Variants in ACSL3 observed in about 807,000 individuals in gnomAD.
ACSL3 encodes the protein acyl-CoA synthetase long chain family member 3, also known as fatty acid CoA ligase Acsl3.
ACSL3 carries 34 observed loss-of-function variants against 84.7 expected under a neutral mutation model. The ratio of observed to expected loss-of-function variants is 0.40; its 90% CI spans 0.31 to 0.53. ACSL3 has a LOEUF of 0.53. Among genes scored for constraint, ACSL3 ranks in the 20% least tolerant of loss-of-function variants. The probability of loss-of-function intolerance (pLI) is 0.48; values close to 1 mark genes in which losing one functional copy is unlikely to be tolerated. For synonymous variants in ACSL3, 315 were observed against 299.4 expected, an observed-to-expected ratio of 1.05 and a Z score of -0.54; for missense variants, 680 against 873.1, an observed-to-expected ratio of 0.78 and a Z score of 2.79.
At chr2:222,915,178 G>A (rs1235445569) in intron 4 of ACSL3, among the ~76,000 whole-genome samples, 1 of 152,134 alleles carries the variant, frequency 6.6e-6, no homozygotes, top group Non-Finnish European at 1.5e-5. Flanking sequence ...AACCCTCACA[G>A]AGCTCCTTTT....
In ACSL3 at chr2:222,923,083, A is replaced by G. The variant is rs1259542785; in HGVS notation, c.1086A>G (p.Ser362=). 2 of 1,613,476 alleles carry G rather than the reference A, an allele frequency of 1.2e-6. No homozygotes were observed. Among genetic ancestry groups the G allele is most frequent in the Non-Finnish European group, 8.5e-7 (1 of 1,179,496 alleles). ...SSPQTLADQS[S]KIKKGSKGDT... is the part of the protein sequence containing the mutation. The stretch of plus-strand genomic sequence containing the variant: ...CACTTTTTCTTATTTTGTAGTCTTC[A>G]AAAATTAAAAAAGGAAGCAAAGGGG... The change falls in exon 10 of 17, where the codon TCA becomes TCG. Residue 362 remains serine (S), a synonymous_variant. Coordinates refer to ENST00000357430, the MANE Select transcript of ACSL3 (RefSeq NM_004457.5).
chr2:222,933,373 C>G, intron 15 of ACSL3, 93 bp downstream of exon 15: 2 of 853,654 alleles, frequency 2.3e-6, no homozygotes, highest in South Asian at 3.7e-5. Context: ...AAAAATGTTC[C>G]GAGAACTCTT....
At chr2:222,863,016 G>C (rs1006697171) in intron 1 of ACSL3, among the ~76,000 whole-genome samples, 1 of 152,164 alleles carries the variant, frequency 6.6e-6, no homozygotes, top group Non-Finnish European at 1.5e-5. Flanking sequence ...GTGTTTCCCT[G>C]CTGTTTGGTT....
intron 11 of ACSL3, among the ~76,000 whole-genome samples, chr2:222,926,301 A>C (rs1451529823): frequency 6.6e-6 from 1 of 152,232 alleles, no homozygotes; most frequent in Non-Finnish European, 1.5e-5. Context: ...TTTGGTATCC[A>C]GAGGACTGGA....
intron 7 of ACSL3, among the ~76,000 whole-genome samples, chr2:222,920,742 G>A (rs956739822): frequency 3.1e-4 from 47 of 152,106 alleles, no homozygotes; most frequent in African/African-American, 1.0e-3. Context: ...AGTTCTTCCC[G>A]TGGCCTTTGA....
intron 2 of ACSL3, among the ~76,000 whole-genome samples, chr2:222,889,613 C>T (rs563086465): frequency 1.6e-4 from 25 of 152,234 alleles, no homozygotes; most frequent in African/African-American, 3.9e-4. Flanking sequence ...AGAAATGTAG[C>T]GAAGCAAATT....
At chr2:222,934,186 T>TG (rs1697110860) in intron 15 of ACSL3, among the ~76,000 whole-genome samples, 1 of 152,254 alleles carries the variant, frequency 6.6e-6, no homozygotes, top group East Asian at 1.9e-4. Context: ...TTAAAACACA[T>TG]GCTATGAAAT....
At chr2:222,865,949 C>T (rs887388636) in intron 1 of ACSL3, among the ~76,000 whole-genome samples, 1 of 152,200 alleles carries the variant, frequency 6.6e-6, no homozygotes, top group Non-Finnish European at 1.5e-5. Flanking sequence ...TGCACATTTT[C>T]CCCTGTCCTG....
intron 1 of ACSL3, among the ~76,000 whole-genome samples, chr2:222,870,705 TA>T (rs1695277401): frequency 6.6e-6 from 1 of 152,134 alleles, no homozygotes; most frequent in African/African-American, 2.4e-5. Flanking sequence ...AGAAGACAGG[TA>T]AGGGAGACAA....
chr2:222,934,770 G>T, intron 16 of ACSL3, 83 bp downstream of exon 16: 1 of 1,423,414 alleles, frequency 7.0e-7, no homozygotes, highest in South Asian at 1.4e-5. Flanking sequence ...AAGGTTTAGG[G>T]TTCATTACTT....
intron 6 of ACSL3, among the ~76,000 whole-genome samples, chr2:222,918,837 A>C (rs112171396): frequency 6.6e-6 from 1 of 151,922 alleles, no homozygotes; most frequent in African/African-American, 2.4e-5. Context: ...GGGTTTTACC[A>C]AAGGCCAAGG....
intron 4 of ACSL3, among the ~76,000 whole-genome samples, chr2:222,912,781 C>T (rs143327181): frequency 1.6e-4 from 24 of 152,272 alleles, no homozygotes; most frequent in Non-Finnish European, 2.8e-4. Context: ...TTCACTACGA[C>T]CAGATTCTTC....
chr2:222,876,787 A>C (rs6718223), intron 1 of ACSL3, among the ~76,000 whole-genome samples: 1 of 152,124 alleles, frequency 6.6e-6, no homozygotes. Flanking sequence ...AGAAGCTCAC[A>C]GTCTGTTGTG....
chr2:222,915,478 T>C (rs991361214), intron 4 of ACSL3, among the ~76,000 whole-genome samples: 5 of 152,336 alleles, frequency 3.3e-5, no homozygotes, highest in Admixed American at 3.3e-4. Context: ...CACAGCCATG[T>C]TTGGGAATTA....
chr2:222,935,041 A>C (rs927221724), intron 16 of ACSL3, among the ~76,000 whole-genome samples: 2 of 152,206 alleles, frequency 1.3e-5, no homozygotes, highest in African/African-American at 4.8e-5. Flanking sequence ...ACAATGTTAG[A>C]GTACTGGTAG....
intron 7 of ACSL3, among the ~76,000 whole-genome samples, chr2:222,919,608 C>T (rs1452092290): frequency 1.3e-5 from 2 of 152,156 alleles, no homozygotes; most frequent in Non-Finnish European, 2.9e-5. Context: ...CTTCCCTTTC[C>T]TGAGGTGAAA....
chr2:222,881,446 T>C (rs983485875), intron 1 of ACSL3, among the ~76,000 whole-genome samples: 4 of 152,262 alleles, frequency 2.6e-5, no homozygotes, highest in Non-Finnish European at 5.9e-5. Flanking sequence ...CTAATAAATA[T>C]ACTGTTTTTA....
chr2:222,932,143 AG>A (rs1050147171), intron 14 of ACSL3, among the ~76,000 whole-genome samples: 20 of 152,312 alleles, frequency 1.3e-4, no homozygotes, highest in African/African-American at 4.8e-4. Context: ...CTACCATTGT[AG>A]TACCAATGTA....
chr2:222,925,280 C>T (rs1696848940), intron 11 of ACSL3, among the ~76,000 whole-genome samples: 1 of 146,774 alleles, frequency 6.8e-6, no homozygotes, highest in Non-Finnish European at 1.5e-5. Flanking sequence ...GCAGAGGTTG[C>T]AGTGAGCCGA....
Sources: gnomAD v4.1 joint callset for allele counts (sites outside exome capture counted in the v4.1 genomes callset) on GRCh38, gnomAD v4.1.1 for gene constraint, MANE v1.5 for transcripts, NCBI Gene and HGNC (gene_info 2026-07-23, HGNC 2026-07-21) for gene names.